Variants in KIF17 observed in about 807,000 individuals in gnomAD.
KIF17 encodes the protein kinesin family member 17.
Under a neutral mutation model 96.8 loss-of-function variants are expected in KIF17, and 80 were observed. The ratio of observed to expected loss-of-function variants is 0.83; its 90% CI spans 0.69 to 1.00. The LOEUF (loss-of-function observed/expected upper bound fraction) is 1.00. Among genes scored for constraint, KIF17 ranks in the 50% least tolerant of loss-of-function variants. The probability of loss-of-function intolerance (pLI) is 0.00; values close to 1 mark genes in which losing one functional copy is unlikely to be tolerated. For missense variants in KIF17, 1,280 were observed against 1,372.9 expected (o/e 0.93, Z 1.07); for synonymous variants, 567 against 587.5 (o/e 0.97, Z 0.51).
At chr1:20,675,276 T>C (rs1246651557) in intron 11 of KIF17, among the ~76,000 whole-genome samples, 2 of 148,564 alleles carry the variant, frequency 1.3e-5, no homozygotes, top group Non-Finnish European at 3.0e-5. Flanking sequence ...TGAAACCCCG[T>C]CTCTACTAAA....
downstream of KIF17, among the ~76,000 whole-genome samples, chr1:20,663,067 C>CA (rs2053463916): frequency 6.6e-6 from 1 of 152,014 alleles, no homozygotes; most frequent in African/African-American, 2.4e-5. Flanking sequence ...ATCTCTAATA[C>CA]AAAAAATTTA....
chr1:20,680,130 A>G, intron 11 of KIF17, among the ~76,000 whole-genome samples: 1 of 152,134 alleles, frequency 6.6e-6, no homozygotes, highest in African/African-American at 2.4e-5. Flanking sequence ...GATTACAGGC[A>G]TAAGCCACCG....
chr1:20,686,587 G>A (rs1251229043), intron 8 of KIF17, among the ~76,000 whole-genome samples: 2 of 152,012 alleles, frequency 1.3e-5, no homozygotes, highest in African/African-American at 2.4e-5. Context: ...ATGGAGTCTC[G>A]CTCTGTCGCC....
At chr1:20,712,551 T>TAGA (rs1318960083) in intron 3 of KIF17, among the ~76,000 whole-genome samples, 1 of 119,256 alleles carries the variant, frequency 8.4e-6, no homozygotes, top group Non-Finnish European at 1.7e-5. Context: ...ATTATAGATA[T>TAGA]TATCTATATT....
rs572964065 is a variant in KIF17, at chr1:20,675,901, G to A, written c.2464-3705C>T. Among the ~76,000 whole-genome samples the A allele has an allele frequency of 2.1e-3, 324 of 152,060 alleles. 2 individuals carry two copies. Among genetic ancestry groups the A allele is most frequent in the Non-Finnish European group, 2.0e-3 (138 of 68,004 alleles). On this transcript the variant is annotated intron_variant, in intron 11 of 14. Coordinates refer to ENST00000400463, the MANE Select transcript of KIF17 (RefSeq NM_001122819.3). ...TGTACTTCTTTTTGTATAGCTGGGC[G>A]TGGTGGTGCACATCTGTAATCCCAG...
At chr1:20,695,245 T>A (rs372267632) in intron 6 of KIF17, among the ~76,000 whole-genome samples, 1 of 152,204 alleles carries the variant, frequency 6.6e-6, no homozygotes, top group African/African-American at 2.4e-5. Context: ...TGGAGTGCAG[T>A]GGCGCCATCT....
chr1:20,714,709 A>G (rs1391234253), intron 2 of KIF17, among the ~76,000 whole-genome samples: 4 of 145,112 alleles, frequency 2.8e-5, no homozygotes, highest in African/African-American at 1.0e-4. Context: ...AGGCAGGAGA[A>G]TTGCTTGAAT....
At chr1:20,703,580 A>G (rs1170565507) in intron 5 of KIF17, among the ~76,000 whole-genome samples, 2 of 150,838 alleles carry the variant, frequency 1.3e-5, no homozygotes, top group Non-Finnish European at 3.0e-5. Context: ...GTGCAGATGG[A>G]TAAGTAATGG....
chr1:20,665,394 ATTTTTTT>A (rs33986427), intron 14 of KIF17, among the ~76,000 whole-genome samples: 3 of 80,886 alleles, frequency 3.7e-5, no homozygotes, highest in African/African-American at 5.2e-5. Flanking sequence ...TACCCAGCTA[ATTTTTTT>A]TTTTTTTTTT....
rs768761141 is a variant in KIF17, at chr1:20,664,549, A to C, written c.*35T>G. ...CCTGGGAGGGCCTGGCAGTCTCTAC[A>C]TGCCTATAAGGCAGGCAATGGCAAG... On this transcript the variant is annotated 3_prime_UTR_variant, in exon 15 of 15. Transcript: ENST00000400463. 1 of 1,613,720 alleles carries C rather than the reference A, an allele frequency of 6.2e-7. No homozygotes were observed. The highest frequency in any genetic ancestry group is 2.2e-5 in the East Asian group (1 of 44,874).
Position 20,690,351 on chromosome 1 carries a change from G to GT in KIF17, c.1234-17_1234-16insA. On this transcript the variant is annotated splice_polypyrimidine_tract_variant and intron_variant, in intron 6 of 14. Transcript: ENST00000400463. ...CTTCATACTCCTGGGGGGGTGGGAG[G>GT]GACCAGAGGGCAGGCAGCATTTTAT... The GT allele has an allele frequency of 3.7e-6, 2 of 543,632 alleles. No homozygotes were observed. Among genetic ancestry groups the GT allele is most frequent in the Non-Finnish European group, 7.2e-6 (2 of 276,240 alleles). 33.7% of individuals were successfully genotyped at this position (543,632 alleles called of 1,614,324 possible). A position where few individuals can be genotyped will look rare whatever the true frequency, so the allele number is the denominator to read the frequency against.
chr1:20,680,116 C>T (rs1469976899), intron 11 of KIF17, among the ~76,000 whole-genome samples: 4 of 152,170 alleles, frequency 2.6e-5, no homozygotes, highest in Non-Finnish European at 5.9e-5. Context: ...TCCCAAAGTG[C>T]TGAGATTACA....
In KIF17 at chr1:20,670,459, G is replaced by A. The variant is rs376988005; in HGVS notation, c.2752C>T (p.Arg918Cys). 16 of 1,613,944 alleles carry A rather than the reference G, an allele frequency of 9.9e-6. No homozygotes were observed. The highest frequency in any genetic ancestry group is 9.3e-6 in the Non-Finnish European group (11 of 1,180,032). ...VSTGPQNKPA[R>C]KTSAADNGEP... The stretch of plus-strand genomic sequence containing the variant: ...CCATTGTCTGCTGCAGAGGTTTTGC[G>A]GGCTGGTTTGTTCTGTGGCCCAGTT... The change falls in exon 13 of 15, where the codon CGC becomes TGC. Residue 918 changes from arginine to cysteine, a missense_variant. By Grantham distance (180) the Arg-to-Cys change is radical. Transcript: ENST00000400463.
Position 20,698,292 on chromosome 1 carries a change from G to A in KIF17, c.1233+87C>T, listed in dbSNP as rs138847832. 743 of 871,618 alleles carry A rather than the reference G, an allele frequency of 8.5e-4. 5 individuals carry two copies. The African/African-American group carries it at 0.011, about 12-fold the overall frequency. 54.0% of individuals were successfully genotyped at this position (871,618 alleles called of 1,614,324 possible). A position where few individuals can be genotyped will look rare whatever the true frequency, so the allele number is the denominator to read the frequency against. ...CCCACGGTGAAGGTACGGTGATATC[G>A]CGTTGGACCCCAGCGGCAGCCCTGC... On this transcript the variant is annotated intron_variant, in intron 6 of 14. Coordinates refer to ENST00000400463, the MANE Select transcript of KIF17 (RefSeq NM_001122819.3).
intron 8 of KIF17, 184 bp from the exon 9 acceptor site, chr1:20,686,310 G>A: frequency 1.5e-6 from 1 of 651,204 alleles, no homozygotes. Context: ...GAACAGGGAA[G>A]AGAGGAAACG....
rs1290084219 is a variant in KIF17, at chr1:20,699,682, CAG to C, written c.1124-1196_1124-1195del. 1.3e-5 allele frequency among the ~76,000 whole-genome samples: 2 copies of C among 152,076 alleles called. No individual in the cohort carries two copies. Among genetic ancestry groups the C allele is most frequent in the African/African-American group, 2.4e-5 (1 of 41,426 alleles). On this transcript the variant is annotated intron_variant, in intron 5 of 14. Coordinates refer to ENST00000400463, the MANE Select transcript of KIF17 (RefSeq NM_001122819.3). The surrounding 1 kb of genome is among the most constrained non-coding windows in gnomAD (Gnocchi z 4.3). Reference sequence around the variant, plus strand: ...TGCTAGACAGGAGGCGCTTGCTAGACAGGGGGAGCTTGCTAGACAGGGGGAGC... The same window carrying C: ...TGCTAGACAGGAGGCGCTTGCTAGACGGGGAGCTTGCTAGACAGGGGGAGC...
At position 20,685,515 on chromosome 1, in the gene KIF17, G is replaced by A. The variant is rs921274205; in HGVS notation, c.2020-495C>T. Among the ~76,000 whole-genome samples the A allele has an allele frequency of 6.6e-6, 1 of 151,568 alleles. No individual in the cohort carries two copies. The highest frequency in any genetic ancestry group is 1.5e-5 in the Non-Finnish European group (1 of 67,916). ...CTGCTTCCCCCCGTCCCTCCTTCAC[G>A]CCTGGGTCCCACCCCAGAGTCACTT... is the stretch of plus-strand genomic sequence containing the variant. On this transcript the variant is annotated intron_variant, in intron 9 of 14. Coordinates refer to ENST00000400463, the MANE Select transcript of KIF17 (RefSeq NM_001122819.3). The surrounding 1 kb of genome is among the most constrained non-coding windows in gnomAD (Gnocchi z 4.1).
At chr1:20,666,684 C>T (rs1490967149) in intron 13 of KIF17, among the ~76,000 whole-genome samples, 1 of 152,212 alleles carries the variant, frequency 6.6e-6, no homozygotes, top group African/African-American at 2.4e-5. Flanking sequence ...AAATCTATCA[C>T]GACATGTTCA....
chr1:20,687,562 G>A lies in KIF17; in HGVS notation c.1764C>T (p.His588=), dbSNP rs767729557. Residue 588 remains histidine, a synonymous_variant, in exon 8 of 15, where the codon CAC becomes CAT. Coordinates refer to ENST00000400463, the MANE Select transcript of KIF17 (RefSeq NM_001122819.3). The surrounding 1 kb of genome is among the most constrained non-coding windows in gnomAD (Gnocchi z 4.4). ...DECLGQEAAG[H]LLGEQNYLPQ... Reference sequence around the variant, plus strand: ...GGAGGTAGTTCTGTTCCCCCAGCAGGTGCCCAGCGGCCTCCTGCCCGAGGC... The same window carrying A: ...GGAGGTAGTTCTGTTCCCCCAGCAGATGCCCAGCGGCCTCCTGCCCGAGGC... 10 of 1,613,862 alleles carry A rather than the reference G, an allele frequency of 6.2e-6. No individual in the cohort carries two copies. The South Asian group carries it at 7.7e-5, about 12-fold the overall frequency.
Sources: gnomAD v4.1 joint callset for allele counts (sites outside exome capture counted in the v4.1 genomes callset) on GRCh38, gnomAD v4.1.1 for gene constraint, Gnocchi (gnomAD v3.1) non-coding constraint, MANE v1.5 for transcripts, NCBI Gene and HGNC (gene_info 2026-07-23, HGNC 2026-07-21) for gene names.